The following GTSF1L variants were observed in gnomAD, a reference collection of about 807,000 sequenced individuals.
GTSF1L encodes gametocyte specific factor 1 like, also known as gametocyte-specific factor 1-like.
Under a neutral mutation model 1.1 loss-of-function variants are expected in GTSF1L, and 1 was observed. The ratio of observed to expected loss-of-function variants is 0.90; its 90% confidence interval spans 0.32 to 4.28. The LOEUF is 4.28. Among genes scored for constraint, GTSF1L ranks in the 30% most tolerant of loss-of-function variants. The pLI, the probability that GTSF1L is intolerant of heterozygous loss-of-function variation, is 0.17. For missense variants in GTSF1L, 169 were observed against 181.9 expected, an observed-to-expected ratio of 0.93 and a Z score of 0.41; for synonymous variants, 62 against 69.3, an observed-to-expected ratio of 0.89 and a Z score of 0.53.
rs768097590 is a variant in GTSF1L, at chr20:43,726,278, A to T, written c.417T>A (p.Ser139Arg). ...GTCCTGGTCTGAGGATCTTCTGGGG[A>T]CTGGTCTCTCTTGCTGACTCTTTCG... ...NDTKESARET[S>R]PQKILRPGQ Residue 139 changes from serine to arginine, a missense_variant, in exon 1 of 1, where the codon AGT (serine) becomes AGA (arginine). Transcript: ENST00000373003. 3.3e-5 allele frequency: 53 copies of T among 1,613,356 alleles called. No individual in the cohort carries two copies. In the Admixed American group the frequency reaches 8.8e-4, roughly 27 times the overall value.
Position 43,726,434 on chromosome 20 carries a change from C to T in GTSF1L, c.261G>A (p.Gln87=), listed in dbSNP as rs778219088. The T allele has an allele frequency of 1.2e-6, 2 of 1,614,048 alleles. No individual in the cohort carries two copies. Among genetic ancestry groups the T allele is most frequent in the East Asian group, 2.2e-5 (1 of 44,868 alleles). ...PLKVSPPSSE[Q]NDDTQQVSPC... Reference sequence around the variant, plus strand: ...GTGAGACCTGCTGGGTGTCATCGTTCTGCTCTGAACTAGGAGGACTGACTT... The same window carrying T: ...GTGAGACCTGCTGGGTGTCATCGTTTTGCTCTGAACTAGGAGGACTGACTT... The change falls in exon 1 of 1, where the codon CAG becomes CAA. Residue 87 remains glutamine (Q), a synonymous_variant. Coordinates refer to ENST00000373003, the MANE Select transcript of GTSF1L (RefSeq NM_176791.4).
At position 43,726,362 on chromosome 20, in the gene GTSF1L, G is replaced by T; in HGVS notation, c.333C>A (p.Cys111Ter). 1 of 1,614,094 alleles carries T rather than the reference G, an allele frequency of 6.2e-7. No homozygotes were observed. Residue 111 changes from cysteine to a stop codon, truncating the protein, a stop_gained, in exon 1 of 1, where the codon TGC becomes TGA. Transcript: ENST00000373003. LOFTEE classifies it high-confidence loss of function. ...PDIWNVDGANCQHVFVLKTFF... is the reference protein window; with the variant it reads ...PDIWNVDGAN Reference sequence around the variant, plus strand: ...AAGTCTTAAGGACAAACACATGCTGGCAATTAGCGCCATCGACATTCCAGA... The same window carrying T: ...AAGTCTTAAGGACAAACACATGCTGTCAATTAGCGCCATCGACATTCCAGA...
Position 43,726,519 on chromosome 20 carries a change from T to G in GTSF1L, c.176A>C (p.His59Pro), listed in dbSNP as rs757666856. Residue 59 changes from histidine (H) to proline (P), a missense_variant, in exon 1 of 1, where the codon CAT (histidine) becomes CCT (proline). Coordinates refer to ENST00000373003, the MANE Select transcript of GTSF1L (RefSeq NM_176791.4). ...GCTCCTGTTGACACAAACAGCCTCA[T>G]GTTCCTCCAGATTTTTGATGGGGAC... ...HVVPIKNLEE[H>P]EAVCVNRSAV... 1 of 1,614,094 alleles carries G rather than the reference T, an allele frequency of 6.2e-7. No individual in the cohort carries two copies. The highest frequency in any genetic ancestry group is 8.5e-7 in the Non-Finnish European group (1 of 1,180,016).
chr20:43,726,947 C>T lies in GTSF1L; in HGVS notation c.-253G>A. 5.3e-6 allele frequency: 2 copies of T among 380,678 alleles called. No homozygotes were observed. The highest frequency in any genetic ancestry group is 6.1e-5 in the South Asian group (1 of 16,344). 23.6% of individuals were successfully genotyped at this position (380,678 alleles called of 1,614,324 possible). A position where few individuals can be genotyped will look rare whatever the true frequency, so the allele number is the denominator to read the frequency against. ...AATGGCACCCGAGACAGAACTATAGCAGATGCAAGAGCCAAAAACCCACAG... is the reference window on the plus strand; with the variant it reads ...AATGGCACCCGAGACAGAACTATAGTAGATGCAAGAGCCAAAAACCCACAG... On this transcript the variant is annotated 5_prime_UTR_variant, in exon 1 of 1. Transcript: ENST00000373003.
Position 43,726,563 on chromosome 20 carries a change from T to A in GTSF1L, c.132A>T (p.Lys44Asn), listed in dbSNP as rs776526238. 6.2e-7 allele frequency: 1 copy of A among 1,614,014 alleles called. No homozygotes were observed. The highest frequency in any genetic ancestry group is 8.5e-7 in the Non-Finnish European group (1 of 1,179,996). Residue 44 changes from lysine (K) to asparagine (N), a missense_variant, in exon 1 of 1, where the codon AAA becomes AAT. Coordinates refer to ENST00000373003, the MANE Select transcript of GTSF1L (RefSeq NM_176791.4). ...TGGGGACCACGTGGCAGGCGTTGTATTTGCAGGTGGCCATCTTTTTGGCTT... is the reference window on the plus strand; with the variant it reads ...TGGGGACCACGTGGCAGGCGTTGTAATTGCAGGTGGCCATCTTTTTGGCTT... ...PKKAKKMATC[K>N]YNACHVVPIK...
At position 43,726,377 on chromosome 20, in the gene GTSF1L, G is replaced by A. The variant is rs369451440; in HGVS notation, c.318C>T (p.Val106=). 10 of 1,613,866 alleles carry A rather than the reference G, an allele frequency of 6.2e-6. No homozygotes were observed. Among genetic ancestry groups the A allele is most frequent in the Admixed American group, 5.0e-5 (3 of 59,956 alleles). Residue 106 remains valine, a synonymous_variant, in exon 1 of 1, where the codon GTC becomes GTT. Coordinates refer to ENST00000373003, the MANE Select transcript of GTSF1L (RefSeq NM_176791.4). The stretch of plus-strand genomic sequence containing the variant: ...ACACATGCTGGCAATTAGCGCCATC[G>A]ACATTCCAGATATCGGGGCTGGGAA... The part of the protein sequence containing the change: ...PCLPSPDIWN[V]DGANCQHVFV...
At position 43,726,182 on chromosome 20, in the gene GTSF1L, T is replaced by C. The variant is rs374487576; in HGVS notation, c.*66A>G. On this transcript the variant is annotated 3_prime_UTR_variant, in exon 1 of 1. Coordinates refer to ENST00000373003, the MANE Select transcript of GTSF1L (RefSeq NM_176791.4). ...AGGGTAGTTTACTTTGCATGTCTTT[T>C]ATTCTGATGCATTGCACGTTCTTCC... The C allele has an allele frequency of 3.3e-5, 39 of 1,185,260 alleles. No individual in the cohort carries two copies. In the African/African-American group the frequency reaches 5.7e-4, roughly 17 times the overall value. The allele number at this position is 1,185,260 out of a possible 1,614,324, so 73.4% of individuals were successfully genotyped here. A position where few individuals can be genotyped will look rare whatever the true frequency, so the allele number is the denominator to read the frequency against.
chr20:43,726,743 G>T lies in GTSF1L; in HGVS notation c.-49C>A. 1.5e-6 allele frequency: 2 copies of T among 1,373,828 alleles called. No individual in the cohort carries two copies. Among genetic ancestry groups the T allele is most frequent in the Non-Finnish European group, 2.0e-6 (2 of 1,002,728 alleles). The allele number at this position is 1,373,828 out of a possible 1,614,324, so 85.1% of individuals were successfully genotyped here. A position where few individuals can be genotyped will look rare whatever the true frequency, so the allele number is the denominator to read the frequency against. On this transcript the variant is annotated 5_prime_UTR_variant, in exon 1 of 1. Coordinates refer to ENST00000373003, the MANE Select transcript of GTSF1L (RefSeq NM_176791.4). ...CTCACTGCTAGAGTCTAACGGAAAT[G>T]CTTCTTGTGGAGAAGCCCTTTTGTA...
Position 43,726,865 on chromosome 20 carries a change from G to T in GTSF1L, c.-171C>A. 1 of 576,844 alleles carries T rather than the reference G, an allele frequency of 1.7e-6. No individual in the cohort carries two copies. Among genetic ancestry groups the T allele is most frequent in the Non-Finnish European group, 3.1e-6 (1 of 321,180 alleles). The allele number at this position is 576,844 out of a possible 1,614,324, so 35.7% of individuals were successfully genotyped here. The stretch of plus-strand genomic sequence containing the variant: ...CTGTTCTCTAGGACTGTGAGTGGTG[G>T]ATTAGAAGAGAGATGAGGAGCTGCC... On this transcript the variant is annotated 5_prime_UTR_variant, in exon 1 of 1. Coordinates refer to ENST00000373003, the MANE Select transcript of GTSF1L (RefSeq NM_176791.4).
In GTSF1L at chr20:43,726,823, C is replaced by T. The variant is rs759267912; in HGVS notation, c.-129G>A. ...TTGGCCCTTGGGATTCTGTAGGTGA[C>T]GGTCTTAACTTGTGGTCTGTTCTCT... On this transcript the variant is annotated 5_prime_UTR_variant, in exon 1 of 1. Transcript: ENST00000373003. 30 of 672,718 alleles carry T rather than the reference C, an allele frequency of 4.5e-5. No individual in the cohort carries two copies. The highest frequency in any genetic ancestry group is 1.1e-4 in the African/African-American group (6 of 55,304). 41.7% of individuals were successfully genotyped at this position (672,718 alleles called of 1,614,324 possible).
chr20:43,726,861 G>T lies in GTSF1L; in HGVS notation c.-167C>A. 3.4e-6 allele frequency: 2 copies of T among 586,656 alleles called. No homozygotes were observed. The highest frequency in any genetic ancestry group is 6.1e-6 in the Non-Finnish European group (2 of 327,066). 36.3% of individuals were successfully genotyped at this position (586,656 alleles called of 1,614,324 possible). A position where few individuals can be genotyped will look rare whatever the true frequency, so the allele number is the denominator to read the frequency against. On this transcript the variant is annotated 5_prime_UTR_variant, in exon 1 of 1. Coordinates refer to ENST00000373003, the MANE Select transcript of GTSF1L (RefSeq NM_176791.4). ...TGGTCTGTTCTCTAGGACTGTGAGT[G>T]GTGGATTAGAAGAGAGATGAGGAGC...
In GTSF1L at chr20:43,726,681, G is replaced by A; in HGVS notation, c.14C>T (p.Ala5Val). The A allele has an allele frequency of 6.4e-7, 1 of 1,571,140 alleles. No homozygotes were observed. Among genetic ancestry groups the A allele is most frequent in the Non-Finnish European group, 8.6e-7 (1 of 1,160,530 alleles). MEPE[A>V]FEICPYDPHH... ...AGGATCATAAGGGCAAATTTCAAAG[G>A]CTTCTGGCTCCATGAGAAATTCTTG... The change falls in exon 1 of 1, where the codon GCC (alanine) becomes GTC (valine). Residue 5 changes from alanine to valine, a missense_variant. Transcript: ENST00000373003.
At position 43,726,486 on chromosome 20, in the gene GTSF1L, TC is replaced by T. The variant is rs1373349999; in HGVS notation, c.208del (p.Glu70LysfsTer9). ...EAVCVNRSAV[E>X]EEDTENPLKV... ...CAGAGGGTTCTCGGTGTCCTCTTCT[TC>T]CACAGCGCTCCTGTTGACACAAACA... On this transcript the variant is annotated frameshift_variant, in exon 1 of 1. Coordinates refer to ENST00000373003, the MANE Select transcript of GTSF1L (RefSeq NM_176791.4). LOFTEE classifies it low-confidence loss of function (END_TRUNC). The T allele has an allele frequency of 3.1e-6, 5 of 1,614,014 alleles. No individual in the cohort carries two copies. Among genetic ancestry groups the T allele is most frequent in the Non-Finnish European group, 3.4e-6 (4 of 1,180,042 alleles).
rs2068185109 is a variant in GTSF1L at position 43,726,658 on chromosome 20, G to A, written c.37C>T (p.Pro13Ser). 1.9e-6 allele frequency: 3 copies of A among 1,595,072 alleles called. No individual in the cohort carries two copies. The highest frequency in any genetic ancestry group is 2.6e-6 in the Non-Finnish European group (3 of 1,171,142). Reference sequence around the variant, plus strand: ...CTGCTGAGTGGGATTCGGTGGTGAGGATCATAAGGGCAAATTTCAAAGGCT... The same window carrying A: ...CTGCTGAGTGGGATTCGGTGGTGAGAATCATAAGGGCAAATTTCAAAGGCT... ...PEAFEICPYD[P>S]HHRIPLSRFQ... is the part of the protein sequence containing the mutation. Residue 13 changes from proline to serine, a missense_variant, in exon 1 of 1, where the codon CCT becomes TCT. Pro to Ser is a moderately conservative substitution (Grantham distance 74). Transcript: ENST00000373003.
rs1321541193 is a variant in GTSF1L at position 43,726,550 on chromosome 20, G to A, written c.145C>T (p.His49Tyr). ...TCCAGATTTTTGATGGGGACCACGT[G>A]GCAGGCGTTGTATTTGCAGGTGGCC... ...KMATCKYNACHVVPIKNLEEH... is the reference protein window; with the variant it reads ...KMATCKYNACYVVPIKNLEEH... The change falls in exon 1 of 1, where the codon CAC becomes TAC. Residue 49 changes from histidine to tyrosine, a missense_variant. Coordinates refer to ENST00000373003, the MANE Select transcript of GTSF1L (RefSeq NM_176791.4). 1 of 1,614,004 alleles carries A rather than the reference G, an allele frequency of 6.2e-7. No homozygotes were observed. Among genetic ancestry groups the A allele is most frequent in the East Asian group, 2.2e-5 (1 of 44,884 alleles).
Position 43,726,238 on chromosome 20 carries a change from A to G in GTSF1L, c.*10T>C, listed in dbSNP as rs781704125. On this transcript the variant is annotated 3_prime_UTR_variant, in exon 1 of 1. Transcript: ENST00000373003. ...TTGATGAGGCGTGTGCTCCTTCCTCAGCTGGCAGTTTACTGTCCTGGTCTG... is the reference window on the plus strand; with the variant it reads ...TTGATGAGGCGTGTGCTCCTTCCTCGGCTGGCAGTTTACTGTCCTGGTCTG... The G allele has an allele frequency of 6.3e-6, 10 of 1,590,340 alleles. No individual in the cohort carries two copies. The highest frequency in any genetic ancestry group is 8.6e-6 in the Non-Finnish European group (10 of 1,163,974).
Position 43,726,174 on chromosome 20 carries a change from A to G in GTSF1L, c.*74T>C, listed in dbSNP as rs533594155. The G allele has an allele frequency of 9.1e-6, 10 of 1,103,508 alleles. No homozygotes were observed. Among genetic ancestry groups the G allele is most frequent in the African/African-American group, 7.9e-5 (5 of 63,684 alleles). The allele number at this position is 1,103,508 out of a possible 1,614,324, so 68.4% of individuals were successfully genotyped here. On this transcript the variant is annotated 3_prime_UTR_variant, in exon 1 of 1. Coordinates refer to ENST00000373003, the MANE Select transcript of GTSF1L (RefSeq NM_176791.4). ...GGTAGCCCAGGGTAGTTTACTTTGC[A>G]TGTCTTTTATTCTGATGCATTGCAC...
At position 43,726,286 on chromosome 20, in the gene GTSF1L, C is replaced by G. The variant is rs2068179605; in HGVS notation, c.409G>C (p.Glu137Gln). 2.5e-6 allele frequency: 4 copies of G among 1,613,994 alleles called. No individual in the cohort carries two copies. The highest frequency in any genetic ancestry group is 1.7e-6 in the Non-Finnish European group (2 of 1,179,898). The change falls in exon 1 of 1, where the codon GAG becomes CAG. Residue 137 changes from glutamate (E) to glutamine (Q), a missense_variant. By Grantham distance (29) the Glu-to-Gln change is conservative. Coordinates refer to ENST00000373003, the MANE Select transcript of GTSF1L (RefSeq NM_176791.4). Reference protein sequence around the residue: ...CENDTKESARETSPQKILRPG... With the variant: ...CENDTKESARQTSPQKILRPG... ...CTGAGGATCTTCTGGGGACTGGTCT[C>G]TCTTGCTGACTCTTTCGTGTCATTT... is the stretch of plus-strand genomic sequence containing the variant.
chr20:43,726,435 T>C lies in GTSF1L; in HGVS notation c.260A>G (p.Gln87Arg). ...PLKVSPPSSE[Q>R]NDDTQQVSPC... ...TGAGACCTGCTGGGTGTCATCGTTCTGCTCTGAACTAGGAGGACTGACTTT... is the reference window on the plus strand; with the variant it reads ...TGAGACCTGCTGGGTGTCATCGTTCCGCTCTGAACTAGGAGGACTGACTTT... The change falls in exon 1 of 1, where the codon CAG becomes CGG. Residue 87 changes from glutamine to arginine, a missense_variant. Coordinates refer to ENST00000373003, the MANE Select transcript of GTSF1L (RefSeq NM_176791.4). 1 of 1,614,098 alleles carries C rather than the reference T, an allele frequency of 6.2e-7. No homozygotes were observed. Among genetic ancestry groups the C allele is most frequent in the Non-Finnish European group, 8.5e-7 (1 of 1,180,024 alleles).
Sources: gnomAD v4.1 joint callset for allele counts on GRCh38, gnomAD v4.1.1 for gene constraint, MANE v1.5 for transcripts, NCBI Gene and HGNC (gene_info 2026-07-23, HGNC 2026-07-21) for gene names.